The following SCAI variants were observed in gnomAD, a reference collection of about 807,000 sequenced individuals.
The protein encoded by SCAI is protein SCAI.
A neutral mutation model predicts 92.2 loss-of-function variants in SCAI; 24 were observed. That is an observed-to-expected ratio of 0.26 (90% CI 0.19 to 0.37). The LOEUF (loss-of-function observed/expected upper bound fraction) is 0.37, where lower values mean the gene tolerates loss of function less well. SCAI is among the 10% of genes least tolerant of loss of function. SCAI has a pLI of 1.00. For synonymous variants in SCAI, 261 were observed against 258.6 expected, an observed-to-expected ratio of 1.01 and a Z score of -0.09; for missense variants, 450 against 736.2, an observed-to-expected ratio of 0.61 and a Z score of 4.50.
At chr9:124,996,761 C>T (rs1832247527) in intron 13 of SCAI, among the ~76,000 whole-genome samples, 1 of 152,090 alleles carries the variant, frequency 6.6e-6, no homozygotes, top group African/African-American at 2.4e-5. Flanking sequence ...TCCCAAGTAG[C>T]TGGGATTACA....
chr9:125,134,593 C>G (rs777857149), intron 2 of SCAI, among the ~76,000 whole-genome samples: 1 of 152,216 alleles, frequency 6.6e-6, no homozygotes, highest in Non-Finnish European at 1.5e-5. Flanking sequence ...AAAGGATTCT[C>G]CAACTCATAA....
intron 3 of SCAI, among the ~76,000 whole-genome samples, chr9:125,045,862 T>C (rs1444544887): frequency 2.0e-5 from 3 of 152,098 alleles, no homozygotes; most frequent in African/African-American, 7.2e-5. Context: ...TCTTAACATA[T>C]CTTTTTAATT....
At chr9:125,051,174 C>T (rs1006452900) in intron 3 of SCAI, among the ~76,000 whole-genome samples, 8 of 152,088 alleles carry the variant, frequency 5.3e-5, no homozygotes, top group Non-Finnish European at 1.2e-4. Context: ...AGGTGTGTGC[C>T]ACCACGCCTG....
chr9:125,138,439 C>T (rs978300281), intron 2 of SCAI, among the ~76,000 whole-genome samples: 8 of 149,630 alleles, frequency 5.3e-5, no homozygotes, highest in African/African-American at 1.5e-4. Flanking sequence ...TTTTTTGAGG[C>T]GGAGTCTCGC....
intron 6 of SCAI, among the ~76,000 whole-genome samples, chr9:125,025,904 T>A (rs914069781): frequency 6.6e-6 from 1 of 152,258 alleles, no homozygotes; most frequent in Admixed American, 6.5e-5. Flanking sequence ...GCTAAGAGAA[T>A]ATAATCTTTT....
At chr9:125,020,389 T>G (rs1832847989) in intron 7 of SCAI, among the ~76,000 whole-genome samples, 2 of 152,216 alleles carry the variant, frequency 1.3e-5, no homozygotes, top group Non-Finnish European at 2.9e-5. Context: ...CTAAGAATTT[T>G]TGTTTGTTTG....
At chr9:125,099,422 G>A (rs1367462540) in intron 2 of SCAI, among the ~76,000 whole-genome samples, 1 of 152,034 alleles carries the variant, frequency 6.6e-6, no homozygotes, top group Non-Finnish European at 1.5e-5. Flanking sequence ...TAGTAGATGA[G>A]ATGTGCGCTA....
At position 125,056,020 on chromosome 9, in the gene SCAI, A is replaced by C. The variant is rs769586776; in HGVS notation, c.99-13T>G. On this transcript the variant is annotated splice_polypyrimidine_tract_variant and intron_variant, in intron 2 of 17. Coordinates refer to ENST00000336505, the MANE Select transcript of SCAI (RefSeq NM_001144877.3). ...AGCAAATTCAGTCCTGTAAGAAAAC[A>C]TATGTTCATTCATGCAGGAGGTAAA... The C allele has an allele frequency of 6.3e-7, 1 of 1,584,608 alleles. No individual in the cohort carries two copies. Among genetic ancestry groups the C allele is most frequent in the South Asian group, 1.2e-5 (1 of 86,228 alleles).
intron 2 of SCAI, among the ~76,000 whole-genome samples, chr9:125,131,979 G>A (rs1835410736): frequency 6.6e-6 from 1 of 152,164 alleles, no homozygotes; most frequent in South Asian, 2.1e-4. Context: ...GATTAACACT[G>A]CAGAGAAAGA....
intron 2 of SCAI, among the ~76,000 whole-genome samples, chr9:125,061,200 G>A (rs1833761895): frequency 1.3e-5 from 2 of 152,196 alleles, no homozygotes; most frequent in Non-Finnish European, 2.9e-5. Flanking sequence ...TGGAGGCTGA[G>A]GCAGGAAAAT....
In SCAI at chr9:124,971,732, T is replaced by A; in HGVS notation, c.1512A>T (p.Gln504His). 1 of 1,612,516 alleles carries A rather than the reference T, an allele frequency of 6.2e-7. No individual in the cohort carries two copies. Among genetic ancestry groups the A allele is most frequent in the East Asian group, 2.2e-5 (1 of 44,854 alleles). Residue 504 changes from glutamine to histidine, a missense_variant, in exon 16 of 18, where the codon CAA (glutamine) becomes CAT (histidine). Coordinates refer to ENST00000336505, the MANE Select transcript of SCAI (RefSeq NM_001144877.3). ...SMRRGLWEKC[Q>H]EYLRKINRDI... ...CACGGTTGATTTTTCGAAGATATTC[T>A]TGACACTTTTCCCATAGGCCTCTGC...
At chr9:125,084,279 T>C (rs1834282931) in intron 2 of SCAI, among the ~76,000 whole-genome samples, 1 of 148,202 alleles carries the variant, frequency 6.7e-6, no homozygotes, top group African/African-American at 2.5e-5. Context: ...CACGCCGTTC[T>C]CCTGCCTCAG....
chr9:125,141,823 T>C (rs1835673017), intron 2 of SCAI, among the ~76,000 whole-genome samples: 1 of 152,220 alleles, frequency 6.6e-6, no homozygotes, highest in Non-Finnish European at 1.5e-5. Flanking sequence ...TTCTGTAAAA[T>C]AGTGACACTA....
chr9:125,010,702 G>C (rs1832617299), intron 9 of SCAI, among the ~76,000 whole-genome samples: 1 of 152,218 alleles, frequency 6.6e-6, no homozygotes, highest in Admixed American at 6.5e-5. Flanking sequence ...CACGCAGCTT[G>C]AGATCTGAGA....
intron 2 of SCAI, among the ~76,000 whole-genome samples, chr9:125,076,982 G>A (rs941865533): frequency 1.3e-5 from 2 of 152,124 alleles, no homozygotes; most frequent in African/African-American, 4.8e-5. Context: ...GATTACAGGC[G>A]TGAGCCACTG....
At chr9:125,033,715 A>C (rs1471919613) in intron 3 of SCAI, among the ~76,000 whole-genome samples, 1 of 148,412 alleles carries the variant, frequency 6.7e-6, no homozygotes, top group Non-Finnish European at 1.5e-5. Context: ...ATACTTCCAA[A>C]AGGTAACTTG....
At chr9:124,980,873 T>C (rs1433222945) in intron 14 of SCAI, among the ~76,000 whole-genome samples, 1 of 152,192 alleles carries the variant, frequency 6.6e-6, no homozygotes, top group African/African-American at 2.4e-5. Flanking sequence ...CTGGGAATCA[T>C]CTTGGAGACC....
chr9:125,001,717 A>C lies in SCAI; in HGVS notation c.1144+248T>G, dbSNP rs943528028. ...TATTTACATATTATGCTTTTGATAC[A>C]TTTGATAGTGAAGCAAGCATTTAAT... On this transcript the variant is annotated intron_variant, in intron 12 of 17. Transcript: ENST00000336505. 8.5e-5 allele frequency among the ~76,000 whole-genome samples: 13 copies of C among 152,326 alleles called. 1 individual carries two copies. Among genetic ancestry groups the C allele is most frequent in the Admixed American group, 5.2e-4 (8 of 15,294 alleles).
At position 124,945,920 on chromosome 9, in the gene SCAI, GT is replaced by G; in HGVS notation, c.*6886del. On this transcript the variant is annotated 3_prime_UTR_variant, in exon 18 of 18. Transcript: ENST00000336505. ...AAGACTGAGAGGTACAGCAAAAATA[GT>G]TGTAAAGTATCAATGTATAAGAGCG... The G allele has an allele frequency of 6.6e-6, 1 of 152,112 alleles. No homozygotes were observed. The highest frequency in any genetic ancestry group is 1.5e-5 in the Non-Finnish European group (1 of 68,034). The allele number at this position is 152,112 out of a possible 1,614,324, so 9.4% of individuals were successfully genotyped here.
Sources: allele counts gnomAD v4.1 joint callset (sites outside exome capture counted in the v4.1 genomes callset), GRCh38; gene constraint gnomAD v4.1.1; transcripts MANE v1.5; gene names NCBI Gene and HGNC (gene_info 2026-07-23, HGNC 2026-07-21).